Variants in FBXO15 observed in about 807,000 individuals in gnomAD.
FBXO15 encodes the protein F-box only protein 15.
FBXO15 carries 30 observed loss-of-function variants against 49.5 expected under a neutral mutation model. The observed-to-expected ratio is 0.61, with a 90% CI of 0.45 to 0.82. The LOEUF is 0.82. Ranked by LOEUF, FBXO15 falls within the 40% of genes least tolerant of loss-of-function variation. FBXO15 has a pLI of 0.00. For missense variants in FBXO15, 591 were observed against 631.5 expected (o/e 0.94, Z 0.69); for synonymous variants, 250 against 232.7 (o/e 1.07, Z -0.68).
chr18:74,082,058 A>G lies in FBXO15; in HGVS notation c.1139-7T>C. 1 of 1,608,698 alleles carries G rather than the reference A, an allele frequency of 6.2e-7. No individual in the cohort carries two copies. Among genetic ancestry groups the G allele is most frequent in the Non-Finnish European group, 8.5e-7 (1 of 1,178,454 alleles). The stretch of plus-strand genomic sequence containing the variant: ...TGTCCATTTTCAATATTTCCTGAAA[A>G]GATATAAGATTGTTTCAATCACTGT... On this transcript the variant is annotated splice_polypyrimidine_tract_variant and splice_region_variant and intron_variant, in intron 8 of 9. Transcript: ENST00000419743.
At chr18:74,141,816 T>G (rs1259707015) in intron 1 of FBXO15, among the ~76,000 whole-genome samples, 1 of 152,174 alleles carries the variant, frequency 6.6e-6, no homozygotes, top group Non-Finnish European at 1.5e-5. Flanking sequence ...CATCATGATA[T>G]GCAGCACGCA....
At chr18:74,134,337 C>T (rs1447178469) in intron 3 of FBXO15, among the ~76,000 whole-genome samples, 1 of 149,794 alleles carries the variant, frequency 6.7e-6, no homozygotes, top group Admixed American at 6.6e-5. Context: ...TATTTCGGAA[C>T]TTGACTATTC....
chr18:74,134,934 T>G (rs1005317666), intron 3 of FBXO15, among the ~76,000 whole-genome samples: 2 of 152,132 alleles, frequency 1.3e-5, no homozygotes, highest in African/African-American at 4.8e-5. Flanking sequence ...ATCTTGCTGA[T>G]CTCCCCAGCT....
intron 2 of FBXO15, among the ~76,000 whole-genome samples, chr18:74,137,998 T>A (rs1233342792): frequency 1.3e-5 from 2 of 152,076 alleles, no homozygotes; most frequent in Admixed American, 1.3e-4. Context: ...GCACCGGTGC[T>A]CTAGGTCCCC....
Position 74,147,729 on chromosome 18 carries a change from C to T in FBXO15, c.57G>A (p.Leu19=). Reference sequence around the variant, plus strand: ...CGCCACCGCCCCTGCTGGGCCCGCGCAGCGTCTGGAGGCCGAGCCAGTGCT... The same window carrying T: ...CGCCACCGCCCCTGCTGGGCCCGCGTAGCGTCTGGAGGCCGAGCCAGTGCT... ...LQQHWLGLQT[L]RGPSRGGGAA... Residue 19 remains leucine, a synonymous_variant, in exon 1 of 10, where the codon CTG becomes CTA. Transcript: ENST00000419743. 1 of 1,536,026 alleles carries T rather than the reference C, an allele frequency of 6.5e-7. No individual in the cohort carries two copies. Among genetic ancestry groups the T allele is most frequent in the Non-Finnish European group, 8.7e-7 (1 of 1,143,222 alleles).
intron 9 of FBXO15, among the ~76,000 whole-genome samples, chr18:74,081,147 T>C (rs564527482): frequency 5.9e-5 from 9 of 152,318 alleles, no homozygotes; most frequent in African/African-American, 2.2e-4. Context: ...CAAGGGACAG[T>C]GCTTCATGAT....
chr18:74,085,812 G>A (rs377001008), intron 8 of FBXO15, among the ~76,000 whole-genome samples: 1 of 152,046 alleles, frequency 6.6e-6, no homozygotes, highest in Admixed American at 6.5e-5. Context: ...ATAACAAACC[G>A]AAATGCAAAA....
At chr18:74,083,567 G>A (rs748329216) in intron 8 of FBXO15, among the ~76,000 whole-genome samples, 2 of 152,194 alleles carry the variant, frequency 1.3e-5, no homozygotes, top group Admixed American at 6.6e-5. Flanking sequence ...CCCAGGACAC[G>A]GCAGAAAATG....
At chr18:74,079,954 G>C (rs1037139544) in intron 9 of FBXO15, among the ~76,000 whole-genome samples, 1 of 152,146 alleles carries the variant, frequency 6.6e-6, no homozygotes, top group African/African-American at 2.4e-5. Flanking sequence ...ATCGTATTTG[G>C]GTGACGTACT....
At chr18:74,087,693 A>G (rs1912807730) in intron 8 of FBXO15, among the ~76,000 whole-genome samples, 1 of 152,204 alleles carries the variant, frequency 6.6e-6, no homozygotes, top group African/African-American at 2.4e-5. Flanking sequence ...ATGTGTCTTC[A>G]TGGTAGAATA....
intron 8 of FBXO15, among the ~76,000 whole-genome samples, chr18:74,089,682 TTTTTG>T (rs1475768031): frequency 1.3e-5 from 2 of 152,272 alleles, no homozygotes; most frequent in Admixed American, 1.3e-4. Flanking sequence ...AATCATGTGG[TTTTTG>T]TTTTTAGTTT....
chr18:74,108,017 C>T (rs74713445), intron 8 of FBXO15, among the ~76,000 whole-genome samples: 1 of 152,110 alleles, frequency 6.6e-6, no homozygotes, highest in Non-Finnish European at 1.5e-5. Flanking sequence ...CAGGCTCACT[C>T]AGAGACTGAG....
chr18:74,099,294 A>G (rs899000396), intron 8 of FBXO15: 1 of 152,186 alleles, frequency 6.6e-6, no homozygotes, highest in African/African-American at 2.4e-5. Context: ...CAAAACAACT[A>G]TCAGCCAAAA....
chr18:74,123,009 C>G (rs939772519), intron 8 of FBXO15: 2 of 175,458 alleles, frequency 1.1e-5, no homozygotes, highest in African/African-American at 4.8e-5. Flanking sequence ...CATCCTGGAG[C>G]GGCACGGGCC....
rs190005402 is a variant in FBXO15 at position 74,101,714 on chromosome 18, T to C, written c.1139-19663A>G. Among the ~76,000 whole-genome samples the C allele has an allele frequency of 1.5e-4, 23 of 151,762 alleles. No homozygotes were observed. In the East Asian group the frequency reaches 4.3e-3, roughly 29 times the overall value. On this transcript the variant is annotated intron_variant, in intron 8 of 9. Transcript: ENST00000419743. ...GCAACACATTAACCTGATTTCAAAC[T>C]ATACTATAAGGCCACAGTCACCAAA...
intron 9 of FBXO15, among the ~76,000 whole-genome samples, chr18:74,081,098 A>T (rs994146243): frequency 6.6e-6 from 1 of 152,236 alleles, no homozygotes; most frequent in Non-Finnish European, 1.5e-5. Context: ...AATAAATAGG[A>T]TTTGTAAAAT....
intron 8 of FBXO15, among the ~76,000 whole-genome samples, chr18:74,112,879 C>T (rs1464495607): frequency 6.6e-6 from 1 of 152,226 alleles, no homozygotes; most frequent in Non-Finnish European, 1.5e-5. Context: ...GCTACAGTCA[C>T]TTTGGAAGAC....
intron 8 of FBXO15, among the ~76,000 whole-genome samples, chr18:74,114,626 C>T (rs1914153063): frequency 6.6e-6 from 1 of 152,208 alleles, no homozygotes; most frequent in Non-Finnish European, 1.5e-5. Context: ...TACCCACATT[C>T]CCTCTTTCCT....
intron 1 of FBXO15, 27 bp downstream of exon 1, chr18:74,147,643 G>C (rs1212291077): frequency 1.4e-6 from 2 of 1,382,822 alleles, no homozygotes; most frequent in Admixed American, 3.3e-5. Flanking sequence ...CCCGCCAGGG[G>C]ACCCCACCCG....
Sources: gnomAD v4.1 joint callset for allele counts (sites outside exome capture counted in the v4.1 genomes callset) on GRCh38, gnomAD v4.1.1 for gene constraint, MANE v1.5 for transcripts, NCBI Gene and HGNC (gene_info 2026-07-23, HGNC 2026-07-21) for gene names.